Variants in HMX1 observed in about 807,000 individuals in gnomAD.
HMX1 encodes homeobox protein HMX1.
In HMX1, 8 loss-of-function variants were observed where a neutral mutation model predicts 8.9. That is an observed-to-expected ratio of 0.90 (90% confidence interval 0.53 to 1.63). The LOEUF (loss-of-function observed/expected upper bound fraction) is 1.63. HMX1 is among the 40% of genes most tolerant of loss of function. The pLI, the probability that HMX1 is intolerant of heterozygous loss-of-function variation, is 0.00. For missense variants in HMX1, 621 were observed against 558.5 expected, an observed-to-expected ratio of 1.11 and a Z score of -1.13; for synonymous variants, 311 against 283.4, an observed-to-expected ratio of 1.10 and a Z score of -0.98.
At chr4:8,860,538 C>A (rs1051930017) in intron 1 of HMX1, 1 of 147,444 alleles carries the variant, frequency 6.8e-6, no homozygotes, top group African/African-American at 2.7e-5. Flanking sequence ...AGGAATCTAA[C>A]CCTTCCTGGG....
rs1257903857 is a variant in HMX1 at position 8,868,728 on chromosome 4, A to C, written c.395-383T>G. ...AGCTGCACCACGGGCGGCCCGGAAA[A>C]ACACACAAACCTCCCGCAGAAGTCC... On this transcript the variant is annotated intron_variant, in intron 1 of 1. Coordinates refer to ENST00000400677, the MANE Select transcript of HMX1 (RefSeq NM_018942.3). The surrounding 1 kb of genome is among the most constrained non-coding windows in gnomAD (Gnocchi z 4.6). Among the ~76,000 whole-genome samples the C allele has an allele frequency of 1.3e-5, 2 of 152,098 alleles. No homozygotes were observed. The highest frequency in any genetic ancestry group is 1.9e-4 in the East Asian group (1 of 5,182).
chr4:8,855,122 TC>T (rs552989813), intron 1 of HMX1, among the ~76,000 whole-genome samples: 51 of 152,192 alleles, frequency 3.4e-4, no homozygotes, highest in Admixed American at 3.3e-3. Flanking sequence ...GCAGTCCCTC[TC>T]CCCCGTGGAC....
Position 8,849,669 on chromosome 4 carries a change from G to A in HMX1, c.395-3345C>T, listed in dbSNP as rs145240329. 5.9e-5 allele frequency among the ~76,000 whole-genome samples: 9 copies of A among 152,306 alleles called. No homozygotes were observed. The highest frequency in any genetic ancestry group is 1.3e-4 in the Admixed American group (2 of 15,310). Reference sequence around the variant, plus strand: ...CTCCTGGGGTCCCCCCGGCCCCAGCGTGCGGTCTTCAACTGTCATCAGGCC... The same window carrying A: ...CTCCTGGGGTCCCCCCGGCCCCAGCATGCGGTCTTCAACTGTCATCAGGCC... On this transcript the variant is annotated intron_variant, in intron 1 of 1. Transcript: ENST00000506970. The surrounding 1 kb of genome is among the most constrained non-coding windows in gnomAD (Gnocchi z 6.6).
chr4:8,869,970 G>A (rs567110020), intron 1 of HMX1, among the ~76,000 whole-genome samples: 6 of 151,616 alleles, frequency 4.0e-5, no homozygotes, highest in South Asian at 2.1e-4. Flanking sequence ...GGGAAACCAC[G>A]GAAGCCCTGC....
At chr4:8,850,380 A>T (rs1577191375) in intron 1 of HMX1, among the ~76,000 whole-genome samples, 1 of 151,630 alleles carries the variant, frequency 6.6e-6, no homozygotes, top group African/African-American at 2.4e-5. Context: ...CTCCATCCCC[A>T]CCGCCCCGGT....
At chr4:8,850,694 C>T (rs1312263793) in intron 1 of HMX1, among the ~76,000 whole-genome samples, 2 of 152,234 alleles carry the variant, frequency 1.3e-5, no homozygotes, top group African/African-American at 4.8e-5. Flanking sequence ...GCTATCTGCC[C>T]CTCCGCCTCC....
At position 8,847,554 on chromosome 4, in the gene HMX1, A is replaced by G. The variant is rs1721316115; in HGVS notation, c.395-1230T>C. Among the ~76,000 whole-genome samples, 1 of 152,200 alleles carries G rather than the reference A, an allele frequency of 6.6e-6. No homozygotes were observed. The highest frequency in any genetic ancestry group is 1.5e-5 in the Non-Finnish European group (1 of 68,036). ...CGAGAGCAGGCGGACCTGAAGGAAC[A>G]TCGGCCAGACACTGGACACGTGCAA... is the stretch of plus-strand genomic sequence containing the variant. On this transcript the variant is annotated intron_variant, in intron 1 of 1. Transcript: ENST00000506970. The surrounding 1 kb of genome is among the most constrained non-coding windows in gnomAD (Gnocchi z 6.0).
chr4:8,871,197 C>A lies in HMX1; in HGVS notation c.394+24G>T. On this transcript the variant is annotated intron_variant, in intron 1 of 1. Coordinates refer to ENST00000400677, the MANE Select transcript of HMX1 (RefSeq NM_018942.3). The surrounding 1 kb of genome is among the most constrained non-coding windows in gnomAD (Gnocchi z 4.8). ...GGAAGTCGGGCCCCACCGCCTGACC[C>A]ACCCTCCCCGCGCCCTCACTCACTG... 1.4e-6 allele frequency: 2 copies of A among 1,398,232 alleles called. No individual in the cohort carries two copies. The highest frequency in any genetic ancestry group is 3.2e-5 in the Admixed American group (1 of 31,706). 86.6% of individuals were successfully genotyped at this position (1,398,232 alleles called of 1,614,324 possible). A position where few individuals can be genotyped will look rare whatever the true frequency, so the allele number is the denominator to read the frequency against.
downstream of HMX1, among the ~76,000 whole-genome samples, chr4:8,866,301 G>A (rs140675265): frequency 6.9e-3 from 1,044 of 152,270 alleles, 10 homozygotes; most frequent in African/African-American, 0.02. Context: ...CCCGGGGAGC[G>A]TCTACACCCA....
downstream of HMX1, among the ~76,000 whole-genome samples, chr4:8,862,216 A>C (rs1226633995): frequency 6.6e-6 from 1 of 152,270 alleles, no homozygotes; most frequent in Non-Finnish European, 1.5e-5. Context: ...TTAAATGCGA[A>C]CATTCTAGCT....
At chr4:8,856,534 C>T (rs1721613485) in intron 1 of HMX1, among the ~76,000 whole-genome samples, 1 of 152,062 alleles carries the variant, frequency 6.6e-6, no homozygotes. Flanking sequence ...GAATTTAAAC[C>T]GTTTAGGCGT....
At position 8,849,682 on chromosome 4, in the gene HMX1, C is replaced by G. The variant is rs1721385538; in HGVS notation, c.395-3358G>C. 1.3e-5 allele frequency among the ~76,000 whole-genome samples: 2 copies of G among 152,238 alleles called. No individual in the cohort carries two copies. The highest frequency in any genetic ancestry group is 4.8e-5 in the African/African-American group (2 of 41,470). ...CCCGGCCCCAGCGTGCGGTCTTCAA[C>G]TGTCATCAGGCCCATGTGGATGCAA... On this transcript the variant is annotated intron_variant, in intron 1 of 1. Transcript: ENST00000506970. The surrounding 1 kb of genome is among the most constrained non-coding windows in gnomAD (Gnocchi z 6.6).
intron 1 of HMX1, among the ~76,000 whole-genome samples, chr4:8,850,037 T>C (rs1049248525): frequency 1.3e-5 from 2 of 152,156 alleles, no homozygotes; most frequent in African/African-American, 4.8e-5. Context: ...AGCCCACCCA[T>C]GTGCCGAAGA....
In HMX1 at chr4:8,867,759, C is replaced by T. The variant is rs1341154598; in HGVS notation, c.981G>A (p.Pro327=). 7.0e-6 allele frequency: 9 copies of T among 1,283,368 alleles called. No individual in the cohort carries two copies. The highest frequency in any genetic ancestry group is 2.8e-4 in the Middle Eastern group (1 of 3,526). The allele number at this position is 1,283,368 out of a possible 1,614,324, so 79.5% of individuals were successfully genotyped here. Reference sequence around the variant, plus strand: ...AGGCGGCGGCCGGGAAGGCGGCCAGCGGGTAGGCGAGGGCCCCGGAGAAGC... The same window carrying T: ...AGGCGGCGGCCGGGAAGGCGGCCAGTGGGTAGGCGAGGGCCCCGGAGAAGC... ...LLGFSGALAY[P]LAAFPAAASV... Residue 327 remains proline (P), a synonymous_variant, in exon 2 of 2, where the codon CCG becomes CCA. Transcript: ENST00000400677.
At chr4:8,865,106 G>C (rs972578568), downstream of HMX1, among the ~76,000 whole-genome samples, 1 of 152,146 alleles carries the variant, frequency 6.6e-6, no homozygotes, top group African/African-American at 2.4e-5. Context: ...GGTGACTCCT[G>C]GAGTGGTTAA....
exon 2 of HMX1, chr4:8,846,190 T>C (rs1289681025): frequency 2.9e-6 from 4 of 1,371,526 alleles, no homozygotes; most frequent in Non-Finnish European, 4.0e-6. Context: ...GTGTTGTGGC[T>C]GCACCATCCA....
downstream of HMX1, among the ~76,000 whole-genome samples, chr4:8,864,221 G>A (rs1287822147): frequency 6.6e-6 from 1 of 152,250 alleles, no homozygotes; most frequent in African/African-American, 2.4e-5. Context: ...CACCATAGGT[G>A]TGCGGTGGGG....
Position 8,853,422 on chromosome 4 carries a change from GC to G in HMX1, c.395-7099del, listed in dbSNP as rs2109455823. Among the ~76,000 whole-genome samples the G allele has an allele frequency of 6.6e-6, 1 of 152,312 alleles. No homozygotes were observed. Among genetic ancestry groups the G allele is most frequent in the South Asian group, 2.1e-4 (1 of 4,814 alleles). On this transcript the variant is annotated intron_variant, in intron 1 of 1. Transcript: ENST00000506970. The surrounding 1 kb of genome is among the most constrained non-coding windows in gnomAD (Gnocchi z 4.7). ...TAAGTCAAAGATCTATCCAGATGTT[GC>G]CCGCTGCACATCTCATGCTCACTGG...
At chr4:8,855,858 G>A (rs957037021) in intron 1 of HMX1, among the ~76,000 whole-genome samples, 3 of 152,192 alleles carry the variant, frequency 2.0e-5, no homozygotes, top group African/African-American at 7.2e-5. Context: ...CTCTCTGAAA[G>A]CAGGATCCAG....
Sources: allele counts gnomAD v4.1 joint callset (sites outside exome capture counted in the v4.1 genomes callset), GRCh38; gene constraint gnomAD v4.1.1; non-coding constraint Gnocchi (gnomAD v3.1); transcripts MANE v1.5; gene names NCBI Gene and HGNC (gene_info 2026-07-23, HGNC 2026-07-21).